The following TNR variants were observed in gnomAD, a reference collection of about 807,000 sequenced individuals.
TNR encodes tenascin R.
TNR carries 45 observed loss-of-function variants against 150.4 expected under a neutral mutation model. The ratio of observed to expected loss-of-function variants is 0.30; its 90% CI spans 0.24 to 0.38. The LOEUF (loss-of-function observed/expected upper bound fraction) is 0.38, where lower values mean the gene tolerates loss of function less well. TNR is among the 10% of genes least tolerant of loss of function. TNR has a pLI of 1.00. For missense variants in TNR, 1,544 were observed against 1,759.1 expected (o/e 0.88, Z 2.19); for synonymous variants, 687 against 678.4 (o/e 1.01, Z -0.20).
intron 1 of TNR, among the ~76,000 whole-genome samples, chr1:175,707,634 T>C (rs1276818698): frequency 9.2e-5 from 14 of 152,194 alleles, no homozygotes; most frequent in Admixed American, 9.2e-4. Context: ...GAAGTGCTGC[T>C]GGGGTGTCCT....
At chr1:175,437,793 T>A (rs1363621493) in intron 2 of TNR, among the ~76,000 whole-genome samples, 4 of 152,104 alleles carry the variant, frequency 2.6e-5, no homozygotes, top group Non-Finnish European at 5.9e-5. Context: ...ATGGATAAAT[T>A]CCTCGACACA....
At chr1:175,417,183 A>G (rs1571410844) in intron 2 of TNR, among the ~76,000 whole-genome samples, 1 of 152,178 alleles carries the variant, frequency 6.6e-6, no homozygotes, top group African/African-American at 2.4e-5. Context: ...ATTTTTATGT[A>G]TTGAATTAAC....
intron 2 of TNR, among the ~76,000 whole-genome samples, chr1:175,417,061 AAGAAAGAAAGAAAG>A (rs1232729984): frequency 2.3e-5 from 3 of 131,292 alleles, no homozygotes; most frequent in Non-Finnish European, 3.4e-5. Flanking sequence ...GAAAGAAAGA[AAGAAAGAAAGAAAG>A]AAATCTAAGA....
At chr1:175,370,880 A>G (rs1019315892) in intron 9 of TNR, among the ~76,000 whole-genome samples, 3 of 152,212 alleles carry the variant, frequency 2.0e-5, no homozygotes, top group African/African-American at 7.2e-5. Context: ...CAATGGAATC[A>G]TCTTCTCCCA....
rs2236879 is a variant in TNR, at chr1:175,374,266, G to T, written c.1963+5286C>A. Among the ~76,000 whole-genome samples the T allele has an allele frequency of 3.6e-3, 550 of 152,042 alleles. 7 individuals are homozygous for T. The highest frequency in any genetic ancestry group is 0.013 in the African/African-American group (528 of 41,454). Reference sequence around the variant, plus strand: ...GCCTGCCAGTGTACCCTGAGGAGCCGACCTTCTCACCACTAGATCCCCATT... The same window carrying T: ...GCCTGCCAGTGTACCCTGAGGAGCCTACCTTCTCACCACTAGATCCCCATT... On this transcript the variant is annotated intron_variant, in intron 9 of 22. Coordinates refer to ENST00000367674, the MANE Select transcript of TNR (RefSeq NM_003285.3).
chr1:175,491,779 C>A (rs900713480), intron 2 of TNR, among the ~76,000 whole-genome samples: 6 of 151,206 alleles, frequency 4.0e-5, no homozygotes, highest in Non-Finnish European at 7.4e-5. Flanking sequence ...CCTCCTGAGT[C>A]GCTGGGACTA....
chr1:175,452,581 G>A (rs1656375498), intron 2 of TNR, among the ~76,000 whole-genome samples: 1 of 152,228 alleles, frequency 6.6e-6, no homozygotes, highest in Non-Finnish European at 1.5e-5. Flanking sequence ...GCTGGGCAGA[G>A]GCTCACATGG....
intron 1 of TNR, among the ~76,000 whole-genome samples, chr1:175,651,530 C>T (rs889830418): frequency 2.0e-5 from 3 of 151,870 alleles, no homozygotes; most frequent in Non-Finnish European, 2.9e-5. Context: ...AAAATATATA[C>T]ACTTCAAAAA....
At chr1:175,615,563 C>T (rs895010334) in intron 1 of TNR, among the ~76,000 whole-genome samples, 1 of 152,180 alleles carries the variant, frequency 6.6e-6, no homozygotes, top group Non-Finnish European at 1.5e-5. Context: ...GGTCACAGAG[C>T]CTATGTGTCT....
intron 2 of TNR, among the ~76,000 whole-genome samples, chr1:175,500,251 G>A (rs983560893): frequency 1.3e-5 from 2 of 152,192 alleles, no homozygotes; most frequent in Non-Finnish European, 2.9e-5. Flanking sequence ...TTCTGGGAAT[G>A]AATATTGAGC....
At chr1:175,707,902 T>A (rs1666883759) in intron 1 of TNR, among the ~76,000 whole-genome samples, 2 of 152,140 alleles carry the variant, frequency 1.3e-5, no homozygotes, top group Non-Finnish European at 2.9e-5. Flanking sequence ...AGTTTGGTGT[T>A]TTATAAAGAA....
chr1:175,545,939 A>T (rs994623376), intron 1 of TNR, among the ~76,000 whole-genome samples: 1 of 152,078 alleles, frequency 6.6e-6, no homozygotes, highest in Admixed American at 6.6e-5. Flanking sequence ...TGTGGCAGGG[A>T]AGTATAAAGA....
chr1:175,520,825 T>C (rs1005178747), intron 2 of TNR, among the ~76,000 whole-genome samples: 3 of 152,150 alleles, frequency 2.0e-5, no homozygotes, highest in Non-Finnish European at 2.9e-5. Context: ...GTTCTAAAAT[T>C]ATTTTTCCCT....
intron 10 of TNR, among the ~76,000 whole-genome samples, chr1:175,366,456 C>T (rs998220542): frequency 2.0e-5 from 3 of 152,192 alleles, no homozygotes; most frequent in Non-Finnish European, 4.4e-5. Context: ...CTCAATGAGC[C>T]AATAAGGATA....
intron 2 of TNR, among the ~76,000 whole-genome samples, chr1:175,491,441 T>C (rs1658241547): frequency 6.6e-6 from 1 of 151,582 alleles, no homozygotes; most frequent in Non-Finnish European, 1.5e-5. Flanking sequence ...AGAATCCTTT[T>C]AGCACATGAC....
intron 1 of TNR, among the ~76,000 whole-genome samples, chr1:175,580,097 T>A (rs1353728848): frequency 1.3e-5 from 2 of 152,158 alleles, no homozygotes; most frequent in Non-Finnish European, 2.9e-5. Context: ...GGGAGGCAGC[T>A]GCTGGGGAGA....
chr1:175,703,478 A>G (rs1015858542), intron 1 of TNR, among the ~76,000 whole-genome samples: 30 of 152,344 alleles, frequency 2.0e-4, no homozygotes, highest in African/African-American at 6.7e-4. Flanking sequence ...CTAAATATAT[A>G]CCAGAATATT....
At chr1:175,672,796 T>C (rs376832073) in intron 1 of TNR, among the ~76,000 whole-genome samples, 2 of 152,206 alleles carry the variant, frequency 1.3e-5, no homozygotes, top group African/African-American at 2.4e-5. Flanking sequence ...TGATTTATCA[T>C]TGTCATCAGC....
chr1:175,740,157 C>T (rs909740), intron 1 of TNR, among the ~76,000 whole-genome samples: 47,729 of 152,040 alleles, frequency 0.31, 7,947 homozygotes, highest in African/African-American at 0.43. Flanking sequence ...TGAGGTGTTC[C>T]CTTGAAAGTC....
Sources: allele counts gnomAD v4.1 joint callset (sites outside exome capture counted in the v4.1 genomes callset), GRCh38; gene constraint gnomAD v4.1.1; transcripts MANE v1.5; gene names NCBI Gene and HGNC (gene_info 2026-07-23, HGNC 2026-07-21).